KICS2: variants seen among roughly 807,000 people sequenced by gnomAD.
The protein encoded by KICS2 is KICSTOR complex protein C12orf66.
KICS2 carries 13 observed loss-of-function variants against 31.4 expected under a neutral mutation model. The ratio of observed to expected loss-of-function variants is 0.41; its 90% CI spans 0.27 to 0.66. The LOEUF is 0.66. Among genes scored for constraint, KICS2 ranks in the 30% least tolerant of loss-of-function variants. The probability of loss-of-function intolerance (pLI) is 0.28; values close to 1 mark genes in which losing one functional copy is unlikely to be tolerated. For missense variants in KICS2, 455 were observed against 545.4 expected, an observed-to-expected ratio of 0.83 and a Z score of 1.65; for synonymous variants, 209 against 214.8, an observed-to-expected ratio of 0.97 and a Z score of 0.24.
chr12:64,196,375 C>T (rs1331719607), intron 2 of KICS2, among the ~76,000 whole-genome samples: 1 of 151,378 alleles, frequency 6.6e-6, no homozygotes, highest in Non-Finnish European at 1.5e-5. Flanking sequence ...TCCAACAGAC[C>T]TGCAGCTGAG....
chr12:64,191,873 G>A lies in KICS2; in HGVS notation c.*1969C>T, dbSNP rs1311050923. 2 of 151,928 alleles carry A rather than the reference G, an allele frequency of 1.3e-5. No individual in the cohort carries two copies. The highest frequency in any genetic ancestry group is 2.4e-5 in the African/African-American group (1 of 41,376). 9.4% of individuals were successfully genotyped at this position (151,928 alleles called of 1,614,324 possible). ...GAGGCTCATGTGAGTCCAGGAGTTTGAGTCCAGCCCGAGCAACATAGTGAG... is the reference window on the plus strand; with the variant it reads ...GAGGCTCATGTGAGTCCAGGAGTTTAAGTCCAGCCCGAGCAACATAGTGAG... On this transcript the variant is annotated 3_prime_UTR_variant, in exon 3 of 3. Transcript: ENST00000398055.
At chr12:64,203,239 A>G (rs1297099797) in intron 2 of KICS2, among the ~76,000 whole-genome samples, 1 of 152,226 alleles carries the variant, frequency 6.6e-6, no homozygotes, top group African/African-American at 2.4e-5. Flanking sequence ...TGCCTCATTG[A>G]TTCTGCCTGC....
rs750368984 is a variant in KICS2, at chr12:64,193,845, AC to A, written c.1334del (p.Gly445ValfsTer4). On this transcript the variant is annotated frameshift_variant, in exon 3 of 3. Coordinates refer to ENST00000398055, the MANE Select transcript of KICS2 (RefSeq NM_152440.5). LOFTEE classifies it high-confidence loss of function. ...VFASLKPGAK[G>X] ...ACCCCTCCACGCAAATCACCTGCTAACCTTTGGCTCCAGGTTTCAGACTTGC... is the reference window on the plus strand; with the variant it reads ...ACCCCTCCACGCAAATCACCTGCTAACTTTGGCTCCAGGTTTCAGACTTGC... 2.2e-5 allele frequency: 35 copies of A among 1,611,186 alleles called. No individual in the cohort carries two copies. The highest frequency in any genetic ancestry group is 2.9e-5 in the Non-Finnish European group (34 of 1,178,508).
At chr12:64,221,086 A>G (rs1186703522) in intron 1 of KICS2, among the ~76,000 whole-genome samples, 6 of 137,384 alleles carry the variant, frequency 4.4e-5, no homozygotes, top group African/African-American at 1.3e-4. Flanking sequence ...CAATATAAGG[A>G]AAGTAGGGGG....
intron 1 of KICS2, 134 bp downstream of exon 1, chr12:64,221,869 A>C: frequency 1.0e-6 from 1 of 977,256 alleles, no homozygotes; most frequent in Non-Finnish European, 1.5e-6. Context: ...GAACGGTGGG[A>C]GGAGATCTGG....
intron 2 of KICS2, among the ~76,000 whole-genome samples, chr12:64,202,956 T>C (rs2037504630): frequency 6.6e-6 from 1 of 152,128 alleles, no homozygotes; most frequent in Non-Finnish European, 1.5e-5. Context: ...CGTCAGTCAT[T>C]TCCCTAGAAA....
rs188577526 is a variant in KICS2, at chr12:64,217,693, C to A, written c.236-1730G>T. 5.8e-3 allele frequency among the ~76,000 whole-genome samples: 879 copies of A among 151,792 alleles called. 6 individuals are homozygous for A. The highest frequency in any genetic ancestry group is 8.3e-3 in the Non-Finnish European group (563 of 67,912). On this transcript the variant is annotated intron_variant, in intron 1 of 2. Coordinates refer to ENST00000398055, the MANE Select transcript of KICS2 (RefSeq NM_152440.5). ...GTGGGTGCCTATAATCCCAGCTACTCGGGAGGCTGAGGTAGGAGAATCGCT... is the reference window on the plus strand; with the variant it reads ...GTGGGTGCCTATAATCCCAGCTACTAGGGAGGCTGAGGTAGGAGAATCGCT...
At chr12:64,187,695 C>T (rs1215010886), downstream of KICS2, 1 of 1,502,140 alleles carries the variant, frequency 6.7e-7, no homozygotes, top group Admixed American at 2.0e-5. Flanking sequence ...TAAATTAAAC[C>T]TACAGGGCTT....
At chr12:64,215,231 G>A (rs1256817053) in intron 2 of KICS2, among the ~76,000 whole-genome samples, 1 of 152,078 alleles carries the variant, frequency 6.6e-6, no homozygotes, top group East Asian at 1.9e-4. Flanking sequence ...AGAATTGCTT[G>A]AACCCAGGAG....
chr12:64,195,640 G>T (rs2037426937), intron 2 of KICS2, among the ~76,000 whole-genome samples: 1 of 152,246 alleles, frequency 6.6e-6, no homozygotes, highest in Admixed American at 6.5e-5. Context: ...ACAGCTCCCA[G>T]CATGAGCAAC....
downstream of KICS2, among the ~76,000 whole-genome samples, chr12:64,189,060 G>A (rs2037360613): frequency 6.6e-6 from 1 of 152,094 alleles, no homozygotes; most frequent in South Asian, 2.1e-4. Context: ...GGCTGAGGCA[G>A]GAGAATCACT....
downstream of KICS2, among the ~76,000 whole-genome samples, chr12:64,190,201 A>T (rs2037368537): frequency 6.6e-6 from 1 of 152,230 alleles, no homozygotes; most frequent in African/African-American, 2.4e-5. Flanking sequence ...AAATTTAAGG[A>T]AAGAGTGGTC....
chr12:64,206,215 G>A (rs1086318), intron 2 of KICS2, among the ~76,000 whole-genome samples: 73,544 of 151,924 alleles, frequency 0.48, 17,966 homozygotes, highest in Non-Finnish European at 0.52. Context: ...CCACCATGCC[G>A]GGCCAAAATG....
intron 2 of KICS2, among the ~76,000 whole-genome samples, chr12:64,196,730 A>G (rs1308657946): frequency 1.4e-5 from 2 of 141,572 alleles, no homozygotes; most frequent in Non-Finnish European, 1.5e-5. Flanking sequence ...TATAACTAGA[A>G]TAACCAATAC....
At chr12:64,197,589 C>T (rs1231667022) in intron 2 of KICS2, among the ~76,000 whole-genome samples, 2 of 150,956 alleles carry the variant, frequency 1.3e-5, no homozygotes, top group Non-Finnish European at 2.9e-5. Flanking sequence ...GGATCAAATG[C>T]ACACATAACA....
intron 1 of KICS2, among the ~76,000 whole-genome samples, chr12:64,221,239 T>A (rs1436073978): frequency 6.6e-6 from 1 of 152,200 alleles, no homozygotes; most frequent in Non-Finnish European, 1.5e-5. Context: ...CAGGTCAAAG[T>A]ACTGACTCTG....
chr12:64,192,986 C>A lies in KICS2; in HGVS notation c.*856G>T, dbSNP rs1411993778. The A allele has an allele frequency of 7.1e-5, 70 of 985,310 alleles. No individual in the cohort carries two copies. The highest frequency in any genetic ancestry group is 8.0e-5 in the Non-Finnish European group (66 of 829,944). 61.0% of individuals were successfully genotyped at this position (985,310 alleles called of 1,614,324 possible). On this transcript the variant is annotated 3_prime_UTR_variant, in exon 3 of 3. Transcript: ENST00000398055. Reference sequence around the variant, plus strand: ...TATCTAAAAGTGGCTGAAAAACCGACTGCATGCTTTTAAGCCTAAAAATAA... The same window carrying A: ...TATCTAAAAGTGGCTGAAAAACCGAATGCATGCTTTTAAGCCTAAAAATAA...
At position 64,195,721 on chromosome 12, in the gene KICS2, T is replaced by C. The variant is rs564719172; in HGVS notation, c.522-1063A>G. 1.8e-3 allele frequency among the ~76,000 whole-genome samples: 280 copies of C among 152,292 alleles called. 1 individual carries two copies. Among genetic ancestry groups the C allele is most frequent in the South Asian group, 0.015 (72 of 4,816 alleles). ...CATCTCACTAGGGAGTGCCAGACAG[T>C]GGGCGCAGGCCAGTGGGTGCACGCA... On this transcript the variant is annotated intron_variant, in intron 2 of 2. Transcript: ENST00000398055.
At chr12:64,203,842 T>C (rs2037512705) in intron 2 of KICS2, among the ~76,000 whole-genome samples, 1 of 152,204 alleles carries the variant, frequency 6.6e-6, no homozygotes, top group African/African-American at 2.4e-5. Flanking sequence ...ATCTATTATC[T>C]GCATTTTACA....
Sources: allele counts gnomAD v4.1 joint callset (sites outside exome capture counted in the v4.1 genomes callset), GRCh38; gene constraint gnomAD v4.1.1; transcripts MANE v1.5; gene names NCBI Gene and HGNC (gene_info 2026-07-23, HGNC 2026-07-21).